OTOG: variants seen among roughly 807,000 people sequenced by gnomAD.
The protein encoded by OTOG is otogelin.
A neutral mutation model predicts 313.8 loss-of-function variants in OTOG; 296 were observed. That is an observed-to-expected ratio of 0.94 (90% CI 0.86 to 1.04). The LOEUF (loss-of-function observed/expected upper bound fraction) is 1.04, where lower values mean the gene tolerates loss of function less well. Among genes scored for constraint, OTOG ranks in the 50% least tolerant of loss-of-function variants. The pLI, the probability that OTOG is intolerant of heterozygous loss-of-function variation, is 0.00. For synonymous variants in OTOG, 1,533 were observed against 1,554.9 expected, an observed-to-expected ratio of 0.99 and a Z score of 0.33; for missense variants, 3,948 against 3,840.1, an observed-to-expected ratio of 1.03 and a Z score of -0.74.
At chr11:17,575,018 C>G (rs1025202993) in intron 20 of OTOG, 106 bp downstream of exon 20, 40 of 1,160,866 alleles carry the variant, frequency 3.4e-5, no homozygotes, top group Non-Finnish European at 4.4e-5. Flanking sequence ...GTCCCTCCTT[C>G]CCCTCACAGT....
At chr11:17,642,367 C>T in intron 53 of OTOG, 121 bp downstream of exon 53, 1 of 1,289,654 alleles carries the variant, frequency 7.8e-7, no homozygotes. Context: ...CCTGTGCCTG[C>T]ACTGCCACCC....
intron 32 of OTOG, among the ~76,000 whole-genome samples, chr11:17,603,740 A>T (rs566398212): frequency 1.3e-5 from 2 of 152,272 alleles, no homozygotes; most frequent in Non-Finnish European, 2.9e-5. Context: ...AAGGATGGGA[A>T]AGATGGTTAT....
chr11:17,553,029 G>T lies in OTOG; in HGVS notation c.293-90G>T, dbSNP rs1345544609. ...GGGGCTGGGGCTGCCTGTTATGGGGGTCTGGATCCTGTGAAGCCTGAGAGG... is the reference window on the plus strand; with the variant it reads ...GGGGCTGGGGCTGCCTGTTATGGGGTTCTGGATCCTGTGAAGCCTGAGAGG... On this transcript the variant is annotated intron_variant, in intron 4 of 55. Transcript: ENST00000399397. 13 of 1,189,480 alleles carry T rather than the reference G, an allele frequency of 1.1e-5. 1 individual carries two copies. Among genetic ancestry groups the T allele is most frequent in the Admixed American group, 2.0e-5 (1 of 49,794 alleles). The allele number at this position is 1,189,480 out of a possible 1,614,324, so 73.7% of individuals were successfully genotyped here. A position where few individuals can be genotyped will look rare whatever the true frequency, so the allele number is the denominator to read the frequency against.
chr11:17,587,107 TA>T (rs1455065501), intron 24 of OTOG, among the ~76,000 whole-genome samples: 14 of 152,264 alleles, frequency 9.2e-5, no homozygotes, highest in Non-Finnish European at 1.3e-4. Flanking sequence ...TACATATTTG[TA>T]TTCACATGTG....
intron 3 of OTOG, among the ~76,000 whole-genome samples, chr11:17,548,633 C>T (rs1565085667): frequency 6.6e-6 from 1 of 151,948 alleles, no homozygotes; most frequent in African/African-American, 2.4e-5. Context: ...CTCAAGAATG[C>T]AGGCAAGACA....
intron 29 of OTOG, 142 bp from the exon 30 acceptor site, chr11:17,596,706 CCTT>C (rs1169044845): frequency 1.5e-6 from 1 of 684,532 alleles, no homozygotes; most frequent in Non-Finnish European, 2.5e-6. Context: ...GCTTCCTTGT[CCTT>C]CTCCCTTCAC....
chr11:17,547,314 G>T lies in OTOG; in HGVS notation c.-59G>T. The stretch of plus-strand genomic sequence containing the variant: ...TGGAGGTGTGACCCTGCCTTAGCCC[G>T]GGGAGGCACCTCGGGAGGCTGGCCC... On this transcript the variant is annotated 5_prime_UTR_variant, in exon 1 of 56. Coordinates refer to ENST00000399397, the MANE Select transcript of OTOG (RefSeq NM_001292063.2). The T allele has an allele frequency of 1.6e-6, 2 of 1,280,348 alleles. No homozygotes were observed. Among genetic ancestry groups the T allele is most frequent in the Non-Finnish European group, 2.0e-6 (2 of 1,009,792 alleles). 79.3% of individuals were successfully genotyped at this position (1,280,348 alleles called of 1,614,324 possible).
intron 15 of OTOG, among the ~76,000 whole-genome samples, chr11:17,565,374 T>C (rs1306740299): frequency 3.3e-5 from 5 of 152,210 alleles, no homozygotes; most frequent in African/African-American, 9.7e-5. Flanking sequence ...TAAAGTGCCA[T>C]GTTCATCACA....
In OTOG at chr11:17,629,183, C is replaced by T. The variant is rs1247125797; in HGVS notation, c.6579C>T (p.Phe2193=). ...PVWPPVSRYG[F]RIEDTGHMYM... ...GGCCACCGGTGAGCAGGTATGGATT[C>T]AGAATTGAGGACACAGGCCACATGT... The change falls in exon 40 of 56, where the codon TTC becomes TTT. Residue 2193 remains phenylalanine (F), a synonymous_variant. Coordinates refer to ENST00000399397, the MANE Select transcript of OTOG (RefSeq NM_001292063.2). The T allele has an allele frequency of 6.4e-7, 1 of 1,550,432 alleles. No homozygotes were observed. Among genetic ancestry groups the T allele is most frequent in the Non-Finnish European group, 8.7e-7 (1 of 1,147,000 alleles).
chr11:17,572,930 C>A, intron 18 of OTOG, 148 bp from the exon 19 acceptor site: 4 of 741,252 alleles, frequency 5.4e-6, no homozygotes, highest in Admixed American at 3.2e-5. Context: ...ACCTTCCCAG[C>A]CAGCTGTACA....
At chr11:17,633,926 C>G (rs554511419) in intron 43 of OTOG, 52 bp downstream of exon 43, 1 of 1,490,954 alleles carries the variant, frequency 6.7e-7, no homozygotes, top group Non-Finnish European at 8.9e-7. Context: ...GCCTCAGCCT[C>G]GCCTCCTGCT....
In OTOG at chr11:17,560,767, C is replaced by T. The variant is rs1301024358; in HGVS notation, c.1401C>T (p.His467=). 3.5e-5 allele frequency: 54 copies of T among 1,550,598 alleles called. No homozygotes were observed. The highest frequency in any genetic ancestry group is 2.0e-4 in the East Asian group (8 of 40,930). Residue 467 remains histidine (H), a synonymous_variant, in exon 13 of 56, where the codon CAC becomes CAT. Transcript: ENST00000399397. ...VAPAECPCEF[H]GTLYPPGSVV... Reference sequence around the variant, plus strand: ...CAGCTGAGTGTCCCTGTGAGTTTCACGGGACTCTGTACCCACCTGGCTCTG... The same window carrying T: ...CAGCTGAGTGTCCCTGTGAGTTTCATGGGACTCTGTACCCACCTGGCTCTG...
Position 17,629,198 on chromosome 11 carries a change from A to G in OTOG, c.6594A>G (p.Thr2198=). ...GGTATGGATTCAGAATTGAGGACAC[A>G]GGCCACATGTACATGATCCTGACTC... ...VSRYGFRIED[T]GHMYMILTPS... is the part of the protein sequence containing the mutation. Residue 2198 remains threonine, a synonymous_variant, in exon 40 of 56, where the codon ACA becomes ACG. Coordinates refer to ENST00000399397, the MANE Select transcript of OTOG (RefSeq NM_001292063.2). 1.3e-6 allele frequency: 2 copies of G among 1,550,620 alleles called. No homozygotes were observed. Among genetic ancestry groups the G allele is most frequent in the Admixed American group, 2.0e-5 (1 of 51,012 alleles).
chr11:17,550,571 G>A (rs929491244), intron 3 of OTOG, among the ~76,000 whole-genome samples: 20 of 152,294 alleles, frequency 1.3e-4, no homozygotes, highest in Admixed American at 1.2e-3. Flanking sequence ...ATCACAGGTT[G>A]TCTCATCCTC....
chr11:17,554,666 T>A (rs1172517826), intron 6 of OTOG, among the ~76,000 whole-genome samples: 3 of 152,246 alleles, frequency 2.0e-5, no homozygotes, highest in African/African-American at 4.8e-5. Context: ...GAGACTGCTC[T>A]AGGGGCCATG....
In OTOG at chr11:17,578,473, C is replaced by T. The variant is rs1263765160; in HGVS notation, c.2706C>T (p.Asn902=). The T allele has an allele frequency of 6.5e-7, 1 of 1,541,126 alleles. No homozygotes were observed. The highest frequency in any genetic ancestry group is 2.0e-5 in the Admixed American group (1 of 50,994). Residue 902 remains asparagine, a synonymous_variant, in exon 23 of 56, where the codon AAC becomes AAT. Transcript: ENST00000399397. ...GGACGTGTGAGCAGCAACTGCTGAA[C>T]CTGAGCGTGTCAGCCCGTGGCCCCT... ...RERTCEQQLL[N]LSVSARGPCL...
chr11:17,603,912 A>G (rs943861293), intron 32 of OTOG, among the ~76,000 whole-genome samples: 5 of 152,130 alleles, frequency 3.3e-5, no homozygotes, highest in African/African-American at 4.8e-5. Flanking sequence ...CTTATTTATT[A>G]ATAATCATAC....
At chr11:17,599,812 C>A in intron 31 of OTOG, 115 bp downstream of exon 31, 1 of 1,271,892 alleles carries the variant, frequency 7.9e-7, no homozygotes, top group Non-Finnish European at 1.1e-6. Context: ...GAGCCGTGAC[C>A]CGGAATGGGA....
intron 54 of OTOG, among the ~76,000 whole-genome samples, chr11:17,643,808 C>T (rs1039077701): frequency 2.0e-5 from 3 of 152,238 alleles, no homozygotes; most frequent in African/African-American, 7.2e-5. Flanking sequence ...TTCGCCTCCT[C>T]CTGCCCCTGC....
Sources: allele counts gnomAD v4.1 joint callset (sites outside exome capture counted in the v4.1 genomes callset), GRCh38; gene constraint gnomAD v4.1.1; transcripts MANE v1.5; gene names NCBI Gene and HGNC (gene_info 2026-07-23, HGNC 2026-07-21).